The following RUSF1 variants were observed in gnomAD, a reference collection of about 807,000 sequenced individuals.
RUSF1 encodes RUS1 family protein C16orf58.
Under a neutral mutation model 63.0 loss-of-function variants are expected in RUSF1, and 58 were observed. The observed-to-expected ratio is 0.92, with a 90% CI of 0.75 to 1.15. RUSF1 has a LOEUF of 1.15. Among genes scored for constraint, RUSF1 ranks in the 50% most tolerant of loss-of-function variants. The pLI, the probability that RUSF1 is intolerant of heterozygous loss-of-function variation, is 0.00. For missense variants in RUSF1, 652 were observed against 611.0 expected, an observed-to-expected ratio of 1.07 and a Z score of -0.71; for synonymous variants, 274 against 255.8, an observed-to-expected ratio of 1.07 and a Z score of -0.68.
chr16:31,495,215 G>A (rs1022695070), intron 6 of RUSF1, among the ~76,000 whole-genome samples: 3 of 152,158 alleles, frequency 2.0e-5, no homozygotes, highest in Admixed American at 6.5e-5. Flanking sequence ...AGTCTGGATT[G>A]GTGCCCCTGA....
At chr16:31,503,592 A>T (rs1446551393) in intron 2 of RUSF1, among the ~76,000 whole-genome samples, 2 of 152,218 alleles carry the variant, frequency 1.3e-5, no homozygotes, top group Non-Finnish European at 2.9e-5. Flanking sequence ...CTGCACAGAA[A>T]TTTCCCATGT....
chr16:31,496,750 A>T, intron 6 of RUSF1, 99 bp downstream of exon 6: 1 of 1,056,022 alleles, frequency 9.5e-7, no homozygotes, highest in Middle Eastern at 3.2e-4. Flanking sequence ...GAGCACCCAT[A>T]CTTCTTCCTG....
chr16:31,508,296 G>A lies in RUSF1; in HGVS notation c.78C>T (p.Ala26=), dbSNP rs1279456292. 2.5e-6 allele frequency: 4 copies of A among 1,576,458 alleles called. No homozygotes were observed. The African/African-American group carries it at 4.0e-5, about 16-fold the overall frequency. ...FGSGEARGCR[A]AADGSLQWEV... is the part of the protein sequence containing the mutation. The stretch of plus-strand genomic sequence containing the variant: ...CCCACTGCAGGCTCCCGTCCGCGGC[G>A]GCGCGGCAGCCCCGTGCCTCCCCGG... The change falls in exon 1 of 13, where the codon GCC becomes GCT. Residue 26 remains alanine, a synonymous_variant. Coordinates refer to ENST00000327237, the MANE Select transcript of RUSF1 (RefSeq NM_022744.4).
intron 5 of RUSF1, among the ~76,000 whole-genome samples, chr16:31,498,283 CAG>C (rs1379603246): frequency 6.6e-6 from 1 of 152,076 alleles, no homozygotes; most frequent in Non-Finnish European, 1.5e-5. Flanking sequence ...GTCTCAAAGG[CAG>C]AGTTTGAAGC....
rs867748423 is a variant in RUSF1 at position 31,508,228 on chromosome 16, G to A, written c.146C>T (p.Thr49Met). The change falls in exon 1 of 13, where the codon ACG (threonine) becomes ATG (methionine). Residue 49 changes from threonine to methionine, a missense_variant. By Grantham distance (81) the Thr-to-Met change is moderately conservative (BLOSUM62 -1). Coordinates refer to ENST00000327237, the MANE Select transcript of RUSF1 (RefSeq NM_022744.4). ...CGCATCTCGTCCTTCAGGTTTGACC[G>A]TGAAGGCCCTGGAGAGCCCCCACCA... The part of the protein sequence containing the change: ...WRWWGLSRAF[T>M]VKPEGRDAGE... The A allele has an allele frequency of 2.6e-6, 4 of 1,564,050 alleles. No homozygotes were observed. Among genetic ancestry groups the A allele is most frequent in the South Asian group, 2.3e-5 (2 of 85,456 alleles).
intron 5 of RUSF1, among the ~76,000 whole-genome samples, chr16:31,498,753 T>C (rs569463090): frequency 6.6e-6 from 1 of 152,290 alleles, no homozygotes; most frequent in Non-Finnish European, 1.5e-5. Flanking sequence ...CTGTTTCTTT[T>C]GCCCGGAACA....
intron 2 of RUSF1, among the ~76,000 whole-genome samples, chr16:31,501,960 C>T (rs1433605488): frequency 6.6e-6 from 1 of 152,212 alleles, no homozygotes; most frequent in Non-Finnish European, 1.5e-5. Context: ...AATGACAGAA[C>T]TGAGTTGCTG....
chr16:31,492,109 A>G, intron 11 of RUSF1, 23 bp from the exon 12 acceptor site: 1 of 1,614,126 alleles, frequency 6.2e-7, no homozygotes, highest in East Asian at 2.2e-5. Context: ...GTGCAGAACC[A>G]GAAGCTCTGT....
Position 31,490,669 on chromosome 16 carries a change from G to A in RUSF1, c.*166C>T, listed in dbSNP as rs1484050409. 4 of 1,092,916 alleles carry A rather than the reference G, an allele frequency of 3.7e-6. No homozygotes were observed. Among genetic ancestry groups the A allele is most frequent in the Non-Finnish European group, 2.7e-6 (2 of 732,126 alleles). The allele number at this position is 1,092,916 out of a possible 1,614,324, so 67.7% of individuals were successfully genotyped here. Reference sequence around the variant, plus strand: ...GCTCCCCTTCTCCCGGCCTTCCTCTGCCTGGGGCCCACTGCATCTGATTGG... The same window carrying A: ...GCTCCCCTTCTCCCGGCCTTCCTCTACCTGGGGCCCACTGCATCTGATTGG... On this transcript the variant is annotated 3_prime_UTR_variant, in exon 13 of 13. Coordinates refer to ENST00000327237, the MANE Select transcript of RUSF1 (RefSeq NM_022744.4).
chr16:31,508,369 G>A lies in RUSF1; in HGVS notation c.5C>T (p.Ala2Val), dbSNP rs1006911815. 4.7e-6 allele frequency: 7 copies of A among 1,501,470 alleles called. No homozygotes were observed. The African/African-American group carries it at 1.0e-4, about 21-fold the overall frequency. 93.0% of individuals were successfully genotyped at this position (1,501,470 alleles called of 1,614,324 possible). ...CGGGGTCTCCAAACCCGCGTCGTCAGCCATGCCGAGCTTTTGGATCCCAGC... is the reference window on the plus strand; with the variant it reads ...CGGGGTCTCCAAACCCGCGTCGTCAACCATGCCGAGCTTTTGGATCCCAGC... M[A>V]DDAGLETPLC... Residue 2 changes from alanine (A) to valine (V), a missense_variant, in exon 1 of 13, where the codon GCT becomes GTT. Ala to Val is a moderately conservative substitution (Grantham distance 64). Transcript: ENST00000327237.
chr16:31,493,111 C>T (rs2082582043), intron 9 of RUSF1, 63 bp from the exon 10 acceptor site: 3 of 1,515,068 alleles, frequency 2.0e-6, no homozygotes, highest in Admixed American at 3.5e-5. Flanking sequence ...GCCCAACCAG[C>T]CACTGAACAG....
chr16:31,504,805 C>A (rs549414469), intron 2 of RUSF1, among the ~76,000 whole-genome samples: 9 of 152,318 alleles, frequency 5.9e-5, no homozygotes, highest in Admixed American at 5.2e-4. Flanking sequence ...CCTTGAGATG[C>A]TGTTAATCTG....
chr16:31,492,063 C>G lies in RUSF1; in HGVS notation c.1255G>C (p.Val419Leu), dbSNP rs757370366. ...RAGPKKESWV[V>L]VKETHEVLDM... ...AACACTTCGTGTGTCTCCTTGACGA[C>G]GACCCAGCTCTCTTTCTTAGGACCT... is the stretch of plus-strand genomic sequence containing the variant. The change falls in exon 12 of 13, where the codon GTC becomes CTC. Residue 419 changes from valine (V) to leucine (L), a missense_variant. Physicochemically the swap from Val to Leu is conservative, Grantham distance 32. Transcript: ENST00000327237. The G allele has an allele frequency of 7.4e-6, 12 of 1,614,048 alleles. No individual in the cohort carries two copies. The highest frequency in any genetic ancestry group is 8.5e-6 in the Non-Finnish European group (10 of 1,180,006).
rs541438147 is a variant in RUSF1 at position 31,508,377 on chromosome 16, G to A, written c.-4C>T. 2.7e-6 allele frequency: 4 copies of A among 1,495,412 alleles called. No homozygotes were observed. The highest frequency in any genetic ancestry group is 2.6e-5 in the Admixed American group (1 of 38,406). The allele number at this position is 1,495,412 out of a possible 1,614,324, so 92.6% of individuals were successfully genotyped here. ...CCAAACCCGCGTCGTCAGCCATGCC[G>A]AGCTTTTGGATCCCAGCCCCGCCCC... On this transcript the variant is annotated 5_prime_UTR_variant, in exon 1 of 13. Coordinates refer to ENST00000327237, the MANE Select transcript of RUSF1 (RefSeq NM_022744.4).
chr16:31,499,278 A>T (rs1285883413), intron 5 of RUSF1, 24 bp downstream of exon 5: 4 of 1,593,450 alleles, frequency 2.5e-6, no homozygotes, highest in South Asian at 1.1e-5. Context: ...TTTTAGGCAG[A>T]TGGGTGCCCC....
At chr16:31,496,528 C>T (rs1596627401) in intron 6 of RUSF1, among the ~76,000 whole-genome samples, 1 of 152,194 alleles carries the variant, frequency 6.6e-6, no homozygotes, top group Non-Finnish European at 1.5e-5. Flanking sequence ...CCAGCAACCC[C>T]ACATGCTGGG....
chr16:31,506,479 A>G (rs1014370698), intron 2 of RUSF1, among the ~76,000 whole-genome samples: 1 of 152,228 alleles, frequency 6.6e-6, no homozygotes, highest in South Asian at 2.1e-4. Context: ...CTCCAAATGC[A>G]TTCCAAAAAT....
chr16:31,502,579 A>G (rs2082638263), intron 2 of RUSF1, among the ~76,000 whole-genome samples: 1 of 152,214 alleles, frequency 6.6e-6, no homozygotes. Context: ...GCCCTCTCTC[A>G]CGGCCAGCAT....
Position 31,492,075 on chromosome 16 carries a change from CTT to C in RUSF1, c.1241_1242del (p.Lys414ArgfsTer40). ...GTCTCCTTGACGACGACCCAGCTCT[CTT>C]TCTTAGGACCTGGGTACGGGGGTGC... ...LRNRVRAGPK[K>X]ESWVVVKETH... is the part of the protein sequence containing the mutation. On this transcript the variant is annotated frameshift_variant, in exon 12 of 13. Transcript: ENST00000327237. LOFTEE classifies it high-confidence loss of function. 2 of 1,614,200 alleles carry C rather than the reference CTT, an allele frequency of 1.2e-6. No homozygotes were observed. Among genetic ancestry groups the C allele is most frequent in the Non-Finnish European group, 1.7e-6 (2 of 1,179,998 alleles).
Sources: gnomAD v4.1 joint callset for allele counts (sites outside exome capture counted in the v4.1 genomes callset) on GRCh38, gnomAD v4.1.1 for gene constraint, MANE v1.5 for transcripts, NCBI Gene and HGNC (gene_info 2026-07-23, HGNC 2026-07-21) for gene names.